Variants in SLC7A8 observed in about 807,000 individuals in gnomAD.
SLC7A8 encodes the protein large neutral amino acids transporter small subunit 2.
SLC7A8 carries 30 observed loss-of-function variants against 51.2 expected under a neutral mutation model. That is an observed-to-expected ratio of 0.59 (90% CI 0.44 to 0.80). The LOEUF is 0.80. SLC7A8 is among the 30% of genes least tolerant of loss of function. SLC7A8 has a pLI of 0.00. For synonymous variants in SLC7A8, 257 were observed against 275.8 expected, an observed-to-expected ratio of 0.93 and a Z score of 0.67; for missense variants, 612 against 674.4, an observed-to-expected ratio of 0.91 and a Z score of 1.03.
chr14:23,133,440 CAA>C (rs10577714), intron 7 of SLC7A8, among the ~76,000 whole-genome samples: 49,026 of 92,192 alleles, frequency 0.53, 9,806 homozygotes, highest in Middle Eastern at 0.67. Context: ...GAACCTGTCT[CAA>C]AAAAAAAAAA....
At position 23,165,917 on chromosome 14, in the gene SLC7A8, C is replaced by T. The variant is rs2048947300; in HGVS notation, c.356+419G>A. On this transcript the variant is annotated intron_variant, in intron 2 of 10. Coordinates refer to ENST00000316902, the MANE Select transcript of SLC7A8 (RefSeq NM_012244.4). The surrounding 1 kb of genome is among the most constrained non-coding windows in gnomAD (Gnocchi z 4.2). The stretch of plus-strand genomic sequence containing the variant: ...GAGGAAATTTAAGATTAGGGCCCAG[C>T]TCTAGAGGGAGGCCATTATCCTTGG... 1.3e-5 allele frequency among the ~76,000 whole-genome samples: 2 copies of T among 152,090 alleles called. No individual in the cohort carries two copies. Among genetic ancestry groups the T allele is most frequent in the Admixed American group, 6.5e-5 (1 of 15,272 alleles).
rs115883351 is a variant in SLC7A8 at position 23,142,903 on chromosome 14, C to T, written c.634+176G>A. 3.2e-3 allele frequency among the ~76,000 whole-genome samples: 488 copies of T among 152,132 alleles called. 5 individuals carry two copies. The highest frequency in any genetic ancestry group is 0.011 in the African/African-American group (459 of 41,512). ...GAGCATTCCCTACTCCCAGCCACCT[C>T]GGGGAAAATGGTTTCTCCTTCCCTT... On this transcript the variant is annotated intron_variant, in intron 4 of 10. Coordinates refer to ENST00000316902, the MANE Select transcript of SLC7A8 (RefSeq NM_012244.4).
intron 3 of SLC7A8, among the ~76,000 whole-genome samples, chr14:23,159,378 C>T (rs956803061): frequency 3.3e-5 from 5 of 152,126 alleles, no homozygotes; most frequent in East Asian, 3.8e-4. Flanking sequence ...AGTTAGAAGG[C>T]GTACAGAGAA....
Position 23,166,377 on chromosome 14 carries a change from A to G in SLC7A8, c.315T>C (p.Gly105=). Residue 105 remains glycine, a synonymous_variant, in exon 2 of 11, where the codon GGT becomes GGC. Transcript: ENST00000316902. The stretch of plus-strand genomic sequence containing the variant: ...AGATGTCCTTGACATAGGAGTAGTC[A>G]CCTCCAGATTTGGGGATGGTGACCC... The part of the protein sequence containing the change: ...ELGVTIPKSG[G]DYSYVKDIFG... 3.1e-6 allele frequency: 5 copies of G among 1,614,028 alleles called. No individual in the cohort carries two copies. The highest frequency in any genetic ancestry group is 4.2e-6 in the Non-Finnish European group (5 of 1,180,012).
chr14:23,170,394 CT>C (rs2048969918), intron 1 of SLC7A8, among the ~76,000 whole-genome samples: 1 of 152,170 alleles, frequency 6.6e-6, no homozygotes, highest in South Asian at 2.1e-4. Flanking sequence ...TGGGAAAAGG[CT>C]TTTCTACTTT....
chr14:23,140,704 C>G, intron 4 of SLC7A8, 80 bp from the exon 5 acceptor site: 1 of 1,429,708 alleles, frequency 7.0e-7, no homozygotes. Context: ...TGGCCCACCT[C>G]TCACCCCTCC....
chr14:23,130,195 C>A (rs1271921926), intron 8 of SLC7A8: 1 of 165,168 alleles, frequency 6.1e-6, no homozygotes, highest in Non-Finnish European at 1.3e-5. Context: ...AGATTGTTAA[C>A]AACAGATTAA....
chr14:23,179,178 C>T (rs1324781714), intron 1 of SLC7A8, among the ~76,000 whole-genome samples: 4 of 152,166 alleles, frequency 2.6e-5, no homozygotes, highest in African/African-American at 9.7e-5. Flanking sequence ...TAGTAAGAAC[C>T]TCTCTCTCCT....
chr14:23,131,365 G>T, intron 8 of SLC7A8, 96 bp downstream of exon 8: 1 of 1,001,320 alleles, frequency 1.0e-6, no homozygotes, highest in Non-Finnish European at 1.4e-6. Flanking sequence ...GACTGCAAGG[G>T]TAACAGGGGT....
intron 8 of SLC7A8, 136 bp from the exon 9 acceptor site, chr14:23,129,935 C>G (rs2048617248): frequency 1.1e-6 from 1 of 891,846 alleles, no homozygotes; most frequent in African/African-American, 1.7e-5. Flanking sequence ...GACTTTAGAA[C>G]CTCCCCTAGT....
chr14:23,158,939 T>C (rs533834828), intron 3 of SLC7A8, among the ~76,000 whole-genome samples: 3 of 152,316 alleles, frequency 2.0e-5, no homozygotes, highest in African/African-American at 7.2e-5. Context: ...ATGTGACTCC[T>C]CTGCTCAAAA....
At chr14:23,156,021 G>A (rs1344713127) in intron 3 of SLC7A8, among the ~76,000 whole-genome samples, 3 of 147,988 alleles carry the variant, frequency 2.0e-5, no homozygotes, top group Non-Finnish European at 3.0e-5. Context: ...TTTTTGAGAT[G>A]GAGTTTCGCT....
intron 3 of SLC7A8, among the ~76,000 whole-genome samples, chr14:23,152,041 CAAAACAAAACA>C (rs1242443911): frequency 6.6e-6 from 1 of 150,984 alleles, no homozygotes; most frequent in Non-Finnish European, 1.5e-5. Context: ...CCACCTCAAA[CAAAACAAAACA>C]AAAACAAAAC....
At chr14:23,159,842 A>G (rs2048912494) in intron 3 of SLC7A8, among the ~76,000 whole-genome samples, 1 of 152,238 alleles carries the variant, frequency 6.6e-6, no homozygotes, top group African/African-American at 2.4e-5. Context: ...AGCCCTGGAA[A>G]AAGCTAGCCT....
In SLC7A8 at chr14:23,143,132, T is replaced by C. The variant is rs770999469; in HGVS notation, c.581A>G (p.Lys194Arg). 2 of 1,614,216 alleles carry C rather than the reference T, an allele frequency of 1.2e-6. No homozygotes were observed. The highest frequency in any genetic ancestry group is 1.7e-6 in the Non-Finnish European group (2 of 1,180,034). Residue 194 changes from lysine (K) to arginine (R), a missense_variant, in exon 4 of 11, where the codon AAG becomes AGG. Lys to Arg is a conservative substitution (Grantham distance 26). Transcript: ENST00000316902. ...TRVQDIFTAG[K>R]LLALALIIIM... Reference sequence around the variant, plus strand: ...GATAATCAGGGCCAAGGCCAGGAGCTTCCCAGCTGTGAAGATGTCTTGAAC... The same window carrying C: ...GATAATCAGGGCCAAGGCCAGGAGCCTCCCAGCTGTGAAGATGTCTTGAAC...
At chr14:23,129,934 A>G in intron 8 of SLC7A8, 135 bp from the exon 9 acceptor site, 2 of 912,852 alleles carry the variant, frequency 2.2e-6, no homozygotes, top group East Asian at 5.0e-5. Context: ...AGACTTTAGA[A>G]CCTCCCCTAG....
intron 4 of SLC7A8, among the ~76,000 whole-genome samples, chr14:23,141,953 A>T (rs2048749470): frequency 6.6e-6 from 1 of 152,200 alleles, no homozygotes; most frequent in African/African-American, 2.4e-5. Flanking sequence ...TGGGACAGGA[A>T]ATAAGGAGAT....
chr14:23,154,615 G>A (rs899742296), intron 3 of SLC7A8, among the ~76,000 whole-genome samples: 4 of 152,198 alleles, frequency 2.6e-5, no homozygotes, highest in African/African-American at 9.6e-5. Flanking sequence ...GCCAAAAGGC[G>A]CTGATAGGCA....
chr14:23,152,535 C>T (rs2048856497), intron 3 of SLC7A8, among the ~76,000 whole-genome samples: 1 of 152,046 alleles, frequency 6.6e-6, no homozygotes, highest in Non-Finnish European at 1.5e-5. Context: ...ATCCTCCCAC[C>T]TCAGCCTCCT....
Sources: gnomAD v4.1 joint callset for allele counts (sites outside exome capture counted in the v4.1 genomes callset) on GRCh38, gnomAD v4.1.1 for gene constraint, Gnocchi (gnomAD v3.1) non-coding constraint, MANE v1.5 for transcripts, NCBI Gene and HGNC (gene_info 2026-07-23, HGNC 2026-07-21) for gene names.